ADGRF5: variants seen among roughly 807,000 people sequenced by gnomAD.
ADGRF5 encodes the protein adhesion G protein-coupled receptor F5.
In ADGRF5, 75 loss-of-function variants were observed where a neutral mutation model predicts 132.3. The ratio of observed to expected loss-of-function variants is 0.57; its 90% CI spans 0.47 to 0.69. ADGRF5 has a LOEUF of 0.69. Ranked by LOEUF, ADGRF5 falls within the 30% of genes least tolerant of loss-of-function variation. The pLI, the probability that ADGRF5 is intolerant of heterozygous loss-of-function variation, is 0.00. For synonymous variants in ADGRF5, 629 were observed against 597.6 expected (o/e 1.05, Z -0.77); for missense variants, 1,516 against 1,630.6 (o/e 0.93, Z 1.21).
chr6:46,858,538 G>A lies in ADGRF5; in HGVS notation c.3365C>T (p.Thr1122Ile). 6.2e-7 allele frequency: 1 copy of A among 1,613,928 alleles called. No homozygotes were observed. Among genetic ancestry groups the A allele is most frequent in the Non-Finnish European group, 8.5e-7 (1 of 1,179,890 alleles). The change falls in exon 17 of 21, where the codon ACA becomes ATA. Residue 1122 changes from threonine to isoleucine, a missense_variant. By Grantham distance (89) the Thr-to-Ile change is moderately conservative. This residue lies in a region of ADGRF5 where 571 missense variants were observed against 701.2 expected (regional missense o/e 0.81). Coordinates refer to ENST00000283296, the MANE Select transcript of ADGRF5 (RefSeq NM_001098518.2). ...FYRLVFILHE[T>I]SRSTQKAIAF... ...AATGGCTTTCTGAGTGGACCTGCTTGTTTCATGCAGAATGAAAACCAGGCG... is the reference window on the plus strand; with the variant it reads ...AATGGCTTTCTGAGTGGACCTGCTTATTTCATGCAGAATGAAAACCAGGCG...
chr6:46,862,471 A>AT (rs750239667), intron 15 of ADGRF5, among the ~76,000 whole-genome samples: 11 of 151,924 alleles, frequency 7.2e-5, no homozygotes, highest in East Asian at 1.9e-4. Context: ...AAGCCCAGCT[A>AT]TTTTTTTTAA....
chr6:46,878,295 C>A lies in ADGRF5; in HGVS notation c.1147G>T (p.Asp383Tyr). The A allele has an allele frequency of 6.2e-7, 1 of 1,613,352 alleles. No homozygotes were observed. Among genetic ancestry groups the A allele is most frequent in the Non-Finnish European group, 8.5e-7 (1 of 1,179,322 alleles). ...CAGTTCAAAGATACAGGATTGTTGTCGCACATCACCTTCATTTCTTCATTT... is the reference window on the plus strand; with the variant it reads ...CAGTTCAAAGATACAGGATTGTTGTAGCACATCACCTTCATTTCTTCATTT... ...LANEEMKVMCDNNPVSLNCCS... is the reference protein window; with the variant it reads ...LANEEMKVMCYNNPVSLNCCS... Residue 383 changes from aspartate (D) to tyrosine (Y), a missense_variant, in exon 10 of 21, where the codon GAC becomes TAC. This residue lies in a region of ADGRF5 where 945 missense variants were observed against 929.4 expected (regional missense o/e 1.02). Coordinates refer to ENST00000283296, the MANE Select transcript of ADGRF5 (RefSeq NM_001098518.2).
intron 1 of ADGRF5, among the ~76,000 whole-genome samples, chr6:46,950,041 C>G (rs1778439362): frequency 6.6e-6 from 1 of 152,170 alleles, no homozygotes; most frequent in African/African-American, 2.4e-5. Flanking sequence ...TGCAGACCTT[C>G]ATTTGGTGGC....
In ADGRF5 at chr6:46,953,659, A is replaced by G. The variant is rs1302541317; in HGVS notation, c.-25+1075T>C. Reference sequence around the variant, plus strand: ...TATATATAGATATATGTGTATATATATATATATATATATATATATATATAT... The same window carrying G: ...TATATATAGATATATGTGTATATATGTATATATATATATATATATATATAT... On this transcript the variant is annotated intron_variant, in intron 1 of 20. Transcript: ENST00000265417. Among the ~76,000 whole-genome samples, 26 of 73,676 alleles carry G rather than the reference A, an allele frequency of 3.5e-4. 2 individuals carry two copies. Among genetic ancestry groups the G allele is most frequent in the African/African-American group, 7.9e-4 (17 of 21,544 alleles). The allele number at this position is 73,676 out of a possible 152,430, so 48.3% of individuals were successfully genotyped here.
chr6:46,904,135 C>T (rs937985421), intron 2 of ADGRF5, among the ~76,000 whole-genome samples: 2 of 152,182 alleles, frequency 1.3e-5, no homozygotes, highest in Admixed American at 1.3e-4. Context: ...GCATCCTGAG[C>T]TAAAATCTGC....
chr6:46,888,961 T>C (rs1773338564), intron 3 of ADGRF5, among the ~76,000 whole-genome samples: 1 of 152,124 alleles, frequency 6.6e-6, no homozygotes, highest in African/African-American at 2.4e-5. Context: ...TTCTTTGCTC[T>C]TCCTCTGTAT....
rs79893047 is a variant in ADGRF5, at chr6:46,875,008, G to A, written c.1241-2995C>T. 4.5e-3 allele frequency among the ~76,000 whole-genome samples: 680 copies of A among 152,302 alleles called. 3 individuals are homozygous for A. Among genetic ancestry groups the A allele is most frequent in the African/African-American group, 0.015 (611 of 41,564 alleles). ...TCTGACCCAAAATGTCAATAGTGCTGAGTTGAGAAGACTTGCATTAGACAG... is the reference window on the plus strand; with the variant it reads ...TCTGACCCAAAATGTCAATAGTGCTAAGTTGAGAAGACTTGCATTAGACAG... On this transcript the variant is annotated intron_variant, in intron 10 of 20. Transcript: ENST00000283296.
chr6:46,889,519 T>G, intron 3 of ADGRF5, among the ~76,000 whole-genome samples: 1 of 144,834 alleles, frequency 6.9e-6, no homozygotes, highest in South Asian at 2.1e-4. Flanking sequence ...CTATATATAG[T>G]CTACTCTATG....
chr6:46,936,521 A>C (rs1777836748), intron 1 of ADGRF5, among the ~76,000 whole-genome samples: 1 of 152,228 alleles, frequency 6.6e-6, no homozygotes, highest in South Asian at 2.1e-4. Context: ...AAACTGCTTT[A>C]ATCTTTCGAC....
At chr6:46,855,922 T>C in intron 20 of ADGRF5, 52 bp downstream of exon 20, 1 of 1,055,694 alleles carries the variant, frequency 9.5e-7, no homozygotes, top group Non-Finnish European at 1.5e-6. Context: ...GGCTCCCCAT[T>C]TGAGCAAATG....
intron 14 of ADGRF5, 66 bp from the exon 15 acceptor site, chr6:46,863,162 CAGGCCA>C: frequency 1.7e-6 from 2 of 1,210,022 alleles, no homozygotes; most frequent in East Asian, 4.7e-5. Flanking sequence ...GAAATACGGT[CAGGCCA>C]AGGTAGAATT....
intron 10 of ADGRF5, among the ~76,000 whole-genome samples, chr6:46,877,272 T>TTTC (rs1475215553): frequency 2.9e-4 from 12 of 41,398 alleles, no homozygotes; most frequent in African/African-American, 1.8e-3. Context: ...TCTTTCTTTC[T>TTTC]TTCTTTCTTT....
At chr6:46,933,691 C>G (rs764194) in intron 1 of ADGRF5, among the ~76,000 whole-genome samples, 17,436 of 152,208 alleles carry the variant, frequency 0.11, 1,216 homozygotes, top group Non-Finnish European at 0.16. Flanking sequence ...TACAGATTGT[C>G]GTCGGGCCTC....
chr6:46,854,581 T>C (rs55842152), intron 20 of ADGRF5: 13,785 of 467,926 alleles, frequency 0.029, 301 homozygotes, highest in Non-Finnish European at 0.042. Flanking sequence ...ACAGAACTGC[T>C]GAGAATCAGC....
chr6:46,937,136 T>A (rs1777873740), intron 1 of ADGRF5, among the ~76,000 whole-genome samples: 1 of 151,968 alleles, frequency 6.6e-6, no homozygotes, highest in Admixed American at 6.6e-5. Context: ...GATACAGAAA[T>A]ACAGAAAATA....
chr6:46,943,567 GT>G (rs964711195), intron 1 of ADGRF5, among the ~76,000 whole-genome samples: 13 of 152,144 alleles, frequency 8.5e-5, no homozygotes, highest in South Asian at 2.1e-4. Flanking sequence ...TCTGCTGAGT[GT>G]TTTTTAACAA....
At chr6:46,949,673 C>T (rs1778425216) in intron 1 of ADGRF5, among the ~76,000 whole-genome samples, 1 of 152,180 alleles carries the variant, frequency 6.6e-6, no homozygotes, top group Non-Finnish European at 1.5e-5. Context: ...AACCCATATC[C>T]ATGTAGTCAT....
intron 1 of ADGRF5, among the ~76,000 whole-genome samples, chr6:46,918,560 A>G (rs906933673): frequency 3.9e-5 from 6 of 152,212 alleles, no homozygotes; most frequent in African/African-American, 1.4e-4. Flanking sequence ...AAAAAGTATG[A>G]TCTGATAGTC....
In ADGRF5 at chr6:46,863,046, T is replaced by C; in HGVS notation, c.2041A>G (p.Lys681Glu). ...AACCGGCATAGCTTCTGGATGACTT[T>C]CCCCGGCTCTCCGACACCTATTACG... ...DPVIGVGEPG[K>E]VIQKLCRFSN... is the part of the protein sequence containing the mutation. The change falls in exon 15 of 21, where the codon AAA (lysine) becomes GAA (glutamate). Residue 681 changes from lysine to glutamate, a missense_variant. Lys to Glu is a moderately conservative substitution (Grantham distance 56). Around this residue, in one of 2 missense-constraint regions of ADGRF5, gnomAD observed 945 missense variants for 929.4 expected, o/e 1.02. Transcript: ENST00000283296. 6.2e-7 allele frequency: 1 copy of C among 1,614,066 alleles called. No individual in the cohort carries two copies. Among genetic ancestry groups the C allele is most frequent in the Non-Finnish European group, 8.5e-7 (1 of 1,179,974 alleles).
Sources: allele counts gnomAD v4.1 joint callset (sites outside exome capture counted in the v4.1 genomes callset), GRCh38; gene constraint gnomAD v4.1.1; regional missense constraint gnomAD v4.1.1; transcripts MANE v1.5; gene names NCBI Gene and HGNC (gene_info 2026-07-23, HGNC 2026-07-21).